Variants in LRRC56 observed in about 807,000 individuals in gnomAD.
The protein encoded by LRRC56 is leucine rich repeat containing 56, also known as leucine-rich repeat-containing protein 56.
Under a neutral mutation model 47.8 loss-of-function variants are expected in LRRC56, and 41 were observed. That is an observed-to-expected ratio of 0.86 (90% CI 0.67 to 1.11). LRRC56 has a LOEUF of 1.11. Ranked by LOEUF, LRRC56 falls within the 50% of genes most tolerant of loss-of-function variation. LRRC56 has a pLI of 0.00. For missense variants in LRRC56, 759 were observed against 704.2 expected (o/e 1.08, Z -0.88); for synonymous variants, 387 against 311.2 (o/e 1.24, Z -2.56).
chr11:534,409 GC>G, upstream of LRRC56: 1 of 732,698 alleles, frequency 1.4e-6, no homozygotes, highest in Non-Finnish European at 2.0e-6. Context: ...CCAGGCCCAG[GC>G]CCAGCCCCAG....
the LRRC56 span, among the ~76,000 whole-genome samples, chr11:519,200 G>C: frequency 6.6e-6 from 1 of 152,346 alleles, no homozygotes; most frequent in Admixed American, 6.5e-5. Flanking sequence ...CCTGAGCCGC[G>C]CGCATTCCTT....
the LRRC56 span, among the ~76,000 whole-genome samples, chr11:523,219 G>C: frequency 6.6e-6 from 1 of 152,020 alleles, no homozygotes; most frequent in African/African-American, 2.4e-5. Context: ...AGTAGAGGCA[G>C]AGTTTCACCA....
At chr11:546,484 C>T (rs1029574612) in intron 6 of LRRC56, among the ~76,000 whole-genome samples, 4 of 151,944 alleles carry the variant, frequency 2.6e-5, no homozygotes, top group Admixed American at 6.6e-5. Flanking sequence ...AGGAAAATGG[C>T]GTGAACCCAG....
chr11:554,167 G>A lies in LRRC56; in HGVS notation c.1520G>A (p.Arg507His), dbSNP rs753261337. 7.6e-6 allele frequency: 12 copies of A among 1,584,488 alleles called. No homozygotes were observed. The African/African-American group carries it at 1.2e-4, about 16-fold the overall frequency. Residue 507 changes from arginine to histidine, a missense_variant, in exon 14 of 14, where the codon CGC becomes CAC. By Grantham distance (29) the Arg-to-His change is conservative. Transcript: ENST00000270115. Reference protein sequence around the residue: ...PVLRALEVASRLSPRAQGCPG... With the variant: ...PVLRALEVASHLSPRAQGCPG... Reference sequence around the variant, plus strand: ...CTGAGAGCCCTGGAGGTGGCCTCACGCCTGAGCCCTCGAGCCCAGGGATGT... The same window carrying A: ...CTGAGAGCCCTGGAGGTGGCCTCACACCTGAGCCCTCGAGCCCAGGGATGT...
the LRRC56 span, among the ~76,000 whole-genome samples, chr11:519,131 C>G: frequency 2.0e-5 from 3 of 152,170 alleles, no homozygotes; most frequent in African/African-American, 7.2e-5. Flanking sequence ...AAAAGCTAGA[C>G]GACATTTTCA....
chr11:534,082 T>A (rs1340915550), upstream of LRRC56: 2 of 1,182,540 alleles, frequency 1.7e-6, no homozygotes, highest in Non-Finnish European at 2.5e-6. Flanking sequence ...ACTCCCCTCC[T>A]CTAGAGGAAG....
At chr11:534,773 G>T (rs1247589613), upstream of LRRC56, among the ~76,000 whole-genome samples, 1 of 152,240 alleles carries the variant, frequency 6.6e-6, no homozygotes, top group Non-Finnish European at 1.5e-5. Context: ...GCAGGCTAGT[G>T]CCAGCCTGCA....
At chr11:552,502 C>A (rs1291503547) in intron 12 of LRRC56, 67 bp from the exon 13 acceptor site, 4 of 1,417,696 alleles carry the variant, frequency 2.8e-6, no homozygotes, top group African/African-American at 2.8e-5. Context: ...GGCTCATGGA[C>A]CATCCCTATG....
At chr11:508,196 C>T in the LRRC56 span, among the ~76,000 whole-genome samples, 2 of 152,244 alleles carry the variant, frequency 1.3e-5, no homozygotes, top group African/African-American at 4.8e-5. Context: ...GACAGGGTCT[C>T]ACTCCACTGC....
rs535161932 is a variant in LRRC56, at chr11:554,416, G to A, written c.*140G>A. 2.1e-5 allele frequency: 15 copies of A among 707,478 alleles called. No homozygotes were observed. The African/African-American group carries it at 2.2e-4, about 10-fold the overall frequency. The allele number at this position is 707,478 out of a possible 1,614,324, so 43.8% of individuals were successfully genotyped here. A position where few individuals can be genotyped will look rare whatever the true frequency, so the allele number is the denominator to read the frequency against. ...CCTGGGGAGGACCCTCTTGGTGGAGGGGAGTGGGGGACTGGGACCAGCCAG... is the reference window on the plus strand; with the variant it reads ...CCTGGGGAGGACCCTCTTGGTGGAGAGGAGTGGGGGACTGGGACCAGCCAG... On this transcript the variant is annotated 3_prime_UTR_variant, in exon 14 of 14. Transcript: ENST00000270115.
At chr11:531,795 G>C in the LRRC56 span, among the ~76,000 whole-genome samples, 1 of 152,242 alleles carries the variant, frequency 6.6e-6, no homozygotes, top group Non-Finnish European at 1.5e-5. Flanking sequence ...CAGAGCCGAA[G>C]AAAACTGGGC....
upstream of LRRC56, chr11:533,300 A>G (rs1183327181): frequency 3.1e-6 from 5 of 1,600,062 alleles, no homozygotes; most frequent in African/African-American, 1.3e-5. Flanking sequence ...GCTGGGTCAC[A>G]TGGGTCCCGG....
At chr11:551,102 C>T (rs1852358121) in intron 8 of LRRC56, 29 bp from the exon 9 acceptor site, 2 of 1,283,340 alleles carry the variant, frequency 1.6e-6, no homozygotes, top group Non-Finnish European at 2.1e-6. Context: ...CCAGACCTGC[C>T]CTCCCTCCCC....
In LRRC56 at chr11:551,834, G is replaced by A. The variant is rs1170500184; in HGVS notation, c.973+7G>A. The A allele has an allele frequency of 6.2e-7, 1 of 1,606,828 alleles. No homozygotes were observed. The highest frequency in any genetic ancestry group is 2.2e-5 in the East Asian group (1 of 44,720). On this transcript the variant is annotated splice_region_variant and intron_variant, in intron 10 of 13. Transcript: ENST00000270115. ...ACCAGCAGCCTCACCCATGGTAACT[G>A]ACTTGCCTCAAAGCTGACCCTGCAG...
At position 550,074 on chromosome 11, in the gene LRRC56, A is replaced by G; in HGVS notation, c.426A>G (p.Glu142=). ...GCTCAGAGCCCCGCGCTGCCCAGGA[A>G]CTCTACGCCTCCTACAACAACATCT... is the stretch of plus-strand genomic sequence containing the variant. ...DGIASLPALK[E]LYASYNNISD... The change falls in exon 8 of 14, where the codon GAA becomes GAG. Residue 142 remains glutamate (E), a splice_region_variant and synonymous_variant. Transcript: ENST00000270115. The G allele has an allele frequency of 6.2e-7, 1 of 1,611,758 alleles. No homozygotes were observed. The highest frequency in any genetic ancestry group is 8.5e-7 in the Non-Finnish European group (1 of 1,178,684).
Position 554,149 on chromosome 11 carries a change from C to T in LRRC56, c.1502C>T (p.Ala501Val). The T allele has an allele frequency of 6.3e-7, 1 of 1,599,714 alleles. No homozygotes were observed. Among genetic ancestry groups the T allele is most frequent in the Non-Finnish European group, 8.5e-7 (1 of 1,175,192 alleles). The change falls in exon 14 of 14, where the codon GCC (alanine) becomes GTC (valine). Residue 501 changes from alanine to valine, a missense_variant. By Grantham distance (64) the Ala-to-Val change is moderately conservative. Transcript: ENST00000270115. The part of the protein sequence containing the change: ...DGVAAVPVLR[A>V]LEVASRLSPR... The stretch of plus-strand genomic sequence containing the variant: ...GTGGCTGCAGTGCCTGTCCTGAGAG[C>T]CCTGGAGGTGGCCTCACGCCTGAGC...
the LRRC56 span, among the ~76,000 whole-genome samples, chr11:511,146 C>T: frequency 6.6e-6 from 1 of 151,556 alleles, no homozygotes; most frequent in African/African-American, 2.4e-5. Context: ...ACGGTAAAAC[C>T]GCGTCTCTAC....
chr11:517,548 C>T, the LRRC56 span, among the ~76,000 whole-genome samples: 5 of 150,064 alleles, frequency 3.3e-5, no homozygotes, highest in African/African-American at 9.9e-5. Context: ...GGGAAGTGGG[C>T]GCCTCTGCCC....
chr11:549,446 T>A (rs1417496171), intron 6 of LRRC56, among the ~76,000 whole-genome samples: 1 of 152,122 alleles, frequency 6.6e-6, no homozygotes. Context: ...CAGCAGCTGG[T>A]CCCCACAAAA....
Sources: gnomAD v4.1 joint callset for allele counts (sites outside exome capture counted in the v4.1 genomes callset) on GRCh38, gnomAD v4.1.1 for gene constraint, MANE v1.5 for transcripts, NCBI Gene and HGNC (gene_info 2026-07-23, HGNC 2026-07-21) for gene names.